Variants in DLG5 observed in about 807,000 individuals in gnomAD.
DLG5 encodes the protein disks large homolog 5.
Under a neutral mutation model 189.8 loss-of-function variants are expected in DLG5, and 48 were observed. The ratio of observed to expected loss-of-function variants is 0.25; its 90% CI spans 0.20 to 0.32. The LOEUF is 0.32. DLG5 is among the 10% of genes least tolerant of loss of function. The pLI, the probability that DLG5 is intolerant of heterozygous loss-of-function variation, is 1.00. For synonymous variants in DLG5, 1,016 were observed against 1,054.1 expected, an observed-to-expected ratio of 0.96 and a Z score of 0.70; for missense variants, 2,160 against 2,544.7, an observed-to-expected ratio of 0.85 and a Z score of 3.25.
chr10:77,796,388 A>G lies in DLG5; in HGVS notation c.5308+63T>C, dbSNP rs982296421. Reference sequence around the variant, plus strand: ...ACCCACTGTGCACAGCTGGGCAGGCAGGTGGACAGGGACATAGAGACAAAG... The same window carrying G: ...ACCCACTGTGCACAGCTGGGCAGGCGGGTGGACAGGGACATAGAGACAAAG... On this transcript the variant is annotated intron_variant, in intron 28 of 31. Coordinates refer to ENST00000372391, the MANE Select transcript of DLG5 (RefSeq NM_004747.4). The surrounding 1 kb of genome is among the most constrained non-coding windows in gnomAD (Gnocchi z 5.2). 1.2e-6 allele frequency: 2 copies of G among 1,612,314 alleles called. No homozygotes were observed. The highest frequency in any genetic ancestry group is 2.7e-5 in the African/African-American group (2 of 74,924).
chr10:77,920,539 C>T (rs1182803364), intron 1 of DLG5, among the ~76,000 whole-genome samples: 1 of 152,218 alleles, frequency 6.6e-6, no homozygotes, highest in East Asian at 1.9e-4. Flanking sequence ...TTGGAATGGG[C>T]TGCCAATCAC....
chr10:77,901,615 G>A (rs866807228), intron 1 of DLG5, among the ~76,000 whole-genome samples: 4 of 152,324 alleles, frequency 2.6e-5, no homozygotes, highest in Middle Eastern at 3.4e-3. Context: ...CCTCCTTCCC[G>A]CACTGCAGAC....
chr10:77,857,481 G>A lies in DLG5; in HGVS notation c.374-589C>T, dbSNP rs374881021. ...AAAGACCTGCCCAACCAGCCCAGGC[G>A]TGCAGGCTAAGAGGAGGGCTGCTGG... On this transcript the variant is annotated intron_variant, in intron 2 of 31. Coordinates refer to ENST00000372391, the MANE Select transcript of DLG5 (RefSeq NM_004747.4). Among the ~76,000 whole-genome samples the A allele has an allele frequency of 3.6e-4, 55 of 152,322 alleles. No individual in the cohort carries two copies. In the South Asian group the frequency reaches 4.3e-3, roughly 12 times the overall value.
intron 2 of DLG5, among the ~76,000 whole-genome samples, chr10:77,864,663 G>A (rs1026408693): frequency 6.6e-6 from 1 of 152,242 alleles, no homozygotes; most frequent in African/African-American, 2.4e-5. Flanking sequence ...TCCGATGCCT[G>A]CTAGAGTTTG....
chr10:77,794,195 G>A, intron 30 of DLG5, 78 bp from the exon 31 acceptor site: 3 of 1,380,118 alleles, frequency 2.2e-6, no homozygotes, highest in Non-Finnish European at 2.1e-6. Context: ...CAGGCTAACA[G>A]GGGCCCCATC....
In DLG5 at chr10:77,819,176, C is replaced by T. The variant is rs1842207056; in HGVS notation, c.3671+145G>A. The T allele has an allele frequency of 4.7e-5, 56 of 1,201,594 alleles. No homozygotes were observed. In the South Asian group the frequency reaches 6.5e-4, roughly 14 times the overall value. 74.4% of individuals were successfully genotyped at this position (1,201,594 alleles called of 1,614,324 possible). A position where few individuals can be genotyped will look rare whatever the true frequency, so the allele number is the denominator to read the frequency against. ...ATTCAGAAAGCAGCCCTAAGGCTCC[C>T]TTTCCCTGTGCTGCTCTAGCCAGTC... On this transcript the variant is annotated intron_variant, in intron 17 of 31. Coordinates refer to ENST00000372391, the MANE Select transcript of DLG5 (RefSeq NM_004747.4).
At chr10:77,883,705 TTTTTTTTTTG>T (rs1845353818) in intron 1 of DLG5, among the ~76,000 whole-genome samples, 2 of 146,174 alleles carry the variant, frequency 1.4e-5, no homozygotes, top group South Asian at 4.5e-4. Context: ...TTTTTTTTTT[TTTTTTTTTTG>T]AGACGGAGTC....
chr10:77,880,530 ATATGCCCATG>A (rs1457889913), intron 1 of DLG5, among the ~76,000 whole-genome samples: 1 of 152,184 alleles, frequency 6.6e-6, no homozygotes, highest in East Asian at 1.9e-4. Context: ...AGGTGCTCAG[ATATGCCCATG>A]TTGCTTAATG....
At chr10:77,913,587 T>C (rs1230734598) in intron 1 of DLG5, among the ~76,000 whole-genome samples, 1 of 152,110 alleles carries the variant, frequency 6.6e-6, no homozygotes, top group Admixed American at 6.6e-5. Flanking sequence ...TGAATGTCTT[T>C]TTCATTTTTT....
chr10:77,862,491 T>C (rs1325194298), intron 2 of DLG5, among the ~76,000 whole-genome samples: 1 of 152,226 alleles, frequency 6.6e-6, no homozygotes, highest in Non-Finnish European at 1.5e-5. Flanking sequence ...ACTGGAATTC[T>C]CAAACACTGC....
At chr10:77,819,745 T>C (rs1354424170) in intron 16 of DLG5, 150 bp downstream of exon 16, 13 of 1,328,452 alleles carry the variant, frequency 9.8e-6, no homozygotes, top group Non-Finnish European at 1.2e-5. Flanking sequence ...AGACAAACCA[T>C]CCCAGACAGG....
At chr10:77,850,147 T>C (rs1189886557) in intron 5 of DLG5, among the ~76,000 whole-genome samples, 1 of 152,200 alleles carries the variant, frequency 6.6e-6, no homozygotes, top group Non-Finnish European at 1.5e-5. Flanking sequence ...CCACTACCAC[T>C]ATCTAATTCC....
In DLG5 at chr10:77,842,084, C is replaced by T; in HGVS notation, c.1234G>A (p.Val412Met). ...SELTELRTTQ[V>M]KTAKESEKYR... Reference sequence around the variant, plus strand: ...TTCTCCGACTCCTTTGCTGTCTTCACCTGCGTGGTTCTCAGCTCGGTCAGC... The same window carrying T: ...TTCTCCGACTCCTTTGCTGTCTTCATCTGCGTGGTTCTCAGCTCGGTCAGC... Residue 412 changes from valine to methionine, a missense_variant, in exon 7 of 32, where the codon GTG becomes ATG. Physicochemically the swap from Val to Met is conservative, Grantham distance 21. Transcript: ENST00000372391. 2 of 1,613,942 alleles carry T rather than the reference C, an allele frequency of 1.2e-6. No homozygotes were observed.
At position 77,793,921 on chromosome 10, in the gene DLG5, C is replaced by T; in HGVS notation, c.5656+87G>A. ...CTTGGGAGCATGTAGAAAGTGCGGG[C>T]TTCTCCACGGCTAAGAAAACAGCCT... On this transcript the variant is annotated intron_variant, in intron 31 of 31. Transcript: ENST00000372391. 5.6e-6 allele frequency: 7 copies of T among 1,261,128 alleles called. No individual in the cohort carries two copies. The South Asian group carries it at 7.3e-5, about 13-fold the overall frequency. The allele number at this position is 1,261,128 out of a possible 1,614,324, so 78.1% of individuals were successfully genotyped here. A position where few individuals can be genotyped will look rare whatever the true frequency, so the allele number is the denominator to read the frequency against.
At chr10:77,854,954 A>G (rs1446744763) in intron 3 of DLG5, among the ~76,000 whole-genome samples, 2 of 152,166 alleles carry the variant, frequency 1.3e-5, no homozygotes, top group Admixed American at 6.5e-5. Flanking sequence ...ACACCACTGC[A>G]CTCCAGCCTG....
chr10:77,902,838 C>A (rs1269336564), intron 1 of DLG5, among the ~76,000 whole-genome samples: 2 of 151,084 alleles, frequency 1.3e-5, no homozygotes, highest in African/African-American at 4.9e-5. Context: ...CCAGTCTGGG[C>A]GACAGAGCGA....
intron 30 of DLG5, 89 bp from the exon 31 acceptor site, chr10:77,794,206 A>G: frequency 1.7e-6 from 2 of 1,154,798 alleles, no homozygotes; most frequent in East Asian, 2.3e-5. Context: ...GGGCCCCATC[A>G]AGGCAGGGGT....
chr10:77,906,137 T>G (rs909448438), intron 1 of DLG5, among the ~76,000 whole-genome samples: 6 of 152,178 alleles, frequency 3.9e-5, no homozygotes, highest in African/African-American at 1.4e-4. Context: ...AGGACCTGCA[T>G]GAGAACCTGG....
chr10:77,841,801 G>A (rs921425470), intron 7 of DLG5, 80 bp downstream of exon 7: 38 of 1,502,518 alleles, frequency 2.5e-5, no homozygotes, highest in Middle Eastern at 1.8e-4. Context: ...CTTCTAATCC[G>A]GACACCACGC....
Sources: gnomAD v4.1 joint callset for allele counts (sites outside exome capture counted in the v4.1 genomes callset) on GRCh38, gnomAD v4.1.1 for gene constraint, Gnocchi (gnomAD v3.1) non-coding constraint, MANE v1.5 for transcripts, NCBI Gene and HGNC (gene_info 2026-07-23, HGNC 2026-07-21) for gene names.